MAGI3: variants seen among roughly 807,000 people sequenced by gnomAD.
The protein encoded by MAGI3 is membrane associated guanylate kinase, WW and PDZ domain containing 3.
In MAGI3, 43 loss-of-function variants were observed where a neutral mutation model predicts 121.8. The observed-to-expected ratio is 0.35, with a 90% CI of 0.28 to 0.46. MAGI3 has a LOEUF of 0.46. Among genes scored for constraint, MAGI3 ranks in the 20% least tolerant of loss-of-function variants. The pLI is 1.00. For missense variants in MAGI3, 1,547 were observed against 1,797.3 expected (o/e 0.86, Z 2.52); for synonymous variants, 553 against 639.3 (o/e 0.86, Z 2.04).
In MAGI3 at chr1:113,514,308, A is replaced by G. The variant is rs189701620; in HGVS notation, c.317-35207A>G. On this transcript the variant is annotated intron_variant, in intron 1 of 20. Transcript: ENST00000307546. ...CCAAAGGACTATAAATCATGCTGCT[A>G]TAAAGACACATGCACATGTATGTTT... Among the ~76,000 whole-genome samples the G allele has an allele frequency of 6.7e-3, 1,023 of 152,258 alleles. 24 individuals carry two copies. The East Asian group carries it at 0.082, about 12-fold the overall frequency.
intron 6 of MAGI3, among the ~76,000 whole-genome samples, chr1:113,606,021 A>G (rs1355986083): frequency 6.6e-6 from 1 of 151,978 alleles, no homozygotes; most frequent in Non-Finnish European, 1.5e-5. Context: ...GTTGGAGTGC[A>G]GTGGCGCAAT....
At chr1:113,530,924 A>C (rs1358536927) in intron 1 of MAGI3, among the ~76,000 whole-genome samples, 1 of 152,208 alleles carries the variant, frequency 6.6e-6, no homozygotes, top group African/African-American at 2.4e-5. Flanking sequence ...TCAAAAAAAG[A>C]AAAGGAAAGG....
At chr1:113,427,533 T>C (rs1017602851) in intron 1 of MAGI3, among the ~76,000 whole-genome samples, 3 of 152,304 alleles carry the variant, frequency 2.0e-5, no homozygotes, top group Middle Eastern at 3.4e-3. Context: ...CTGTACCAAA[T>C]TGGGGGTTGG....
In MAGI3 at chr1:113,653,990, C is replaced by T. The variant is rs757589461; in HGVS notation, c.2601C>T (p.Leu867=). 3.1e-6 allele frequency: 5 copies of T among 1,613,610 alleles called. No homozygotes were observed. Among genetic ancestry groups the T allele is most frequent in the Middle Eastern group, 1.6e-4 (1 of 6,080 alleles). The change falls in exon 15 of 21, where the codon CTC becomes CTT. Residue 867 remains leucine (L), a synonymous_variant. Transcript: ENST00000307546. ...KENEGFGFVI[L]TSKNKPPPGV... The stretch of plus-strand genomic sequence containing the variant: ...ATGAAGGATTTGGCTTTGTCATCCT[C>T]ACCTCCAAAAACAAACCACCTCCAG...
At chr1:113,443,643 C>A (rs1197657516) in intron 1 of MAGI3, among the ~76,000 whole-genome samples, 1 of 152,124 alleles carries the variant, frequency 6.6e-6, no homozygotes, top group Non-Finnish European at 1.5e-5. Context: ...ACAATCCCAT[C>A]CGTAGTTTTT....
intron 1 of MAGI3, among the ~76,000 whole-genome samples, chr1:113,443,517 T>G (rs1163336316): frequency 1.3e-5 from 2 of 152,192 alleles, no homozygotes; most frequent in African/African-American, 4.8e-5. Flanking sequence ...AAGCTTATTT[T>G]AAAAGTTTAT....
intron 1 of MAGI3, among the ~76,000 whole-genome samples, chr1:113,424,239 A>G (rs1034572603): frequency 1.2e-4 from 11 of 93,662 alleles, no homozygotes; most frequent in Non-Finnish European, 2.0e-4. Context: ...GCATCCTCGC[A>G]GTGACCACTC....
At chr1:113,571,912 C>T (rs12095235) in intron 2 of MAGI3, among the ~76,000 whole-genome samples, 1,752 of 152,256 alleles carry the variant, frequency 0.012, 35 homozygotes, top group African/African-American at 0.039. Context: ...TTGCCCTGGC[C>T]AGAACTTCCA....
intron 9 of MAGI3, among the ~76,000 whole-genome samples, chr1:113,632,220 T>G (rs1651679280): frequency 6.6e-6 from 1 of 152,184 alleles, no homozygotes; most frequent in African/African-American, 2.4e-5. Context: ...GTTAACAAAC[T>G]TTAGAGATTA....
At chr1:113,504,273 T>C (rs867615079) in intron 1 of MAGI3, among the ~76,000 whole-genome samples, 2 of 152,076 alleles carry the variant, frequency 1.3e-5, no homozygotes, top group African/African-American at 4.8e-5. Flanking sequence ...ATAAAATTAA[T>C]AGTCCAAATA....
intron 1 of MAGI3, among the ~76,000 whole-genome samples, chr1:113,465,486 G>T (rs1271740428): frequency 6.6e-6 from 1 of 151,660 alleles, no homozygotes; most frequent in African/African-American, 2.4e-5. Context: ...GGCTATTTGG[G>T]GTCTTTTGTG....
chr1:113,416,053 GAC>G (rs1233735570), intron 1 of MAGI3, among the ~76,000 whole-genome samples: 2 of 126,558 alleles, frequency 1.6e-5, no homozygotes, highest in Non-Finnish European at 3.3e-5. Flanking sequence ...TGTAATTAAT[GAC>G]ACATATTAAT....
intron 15 of MAGI3, among the ~76,000 whole-genome samples, chr1:113,657,669 T>C (rs1033148576): frequency 6.6e-6 from 1 of 152,250 alleles, no homozygotes; most frequent in Admixed American, 6.5e-5. Context: ...GGCCACCGTA[T>C]GACCTGCCGT....
Position 113,449,683 on chromosome 1 carries a change from G to A in MAGI3, c.316+58334G>A, listed in dbSNP as rs1334867628. The A allele has an allele frequency of 3.8e-6, 3 of 786,558 alleles. No individual in the cohort carries two copies. The African/African-American group carries it at 5.1e-5, about 13-fold the overall frequency. The allele number at this position is 786,558 out of a possible 1,614,324, so 48.7% of individuals were successfully genotyped here. ...CGATATTGAACTCGAGTTGGAAGAGGCGAGTCTGGTCTCAAAATGGAGGGC... is the reference window on the plus strand; with the variant it reads ...CGATATTGAACTCGAGTTGGAAGAGACGAGTCTGGTCTCAAAATGGAGGGC... On this transcript the variant is annotated intron_variant, in intron 1 of 20. Transcript: ENST00000307546.
intron 2 of MAGI3, among the ~76,000 whole-genome samples, chr1:113,561,861 A>T (rs1159494453): frequency 6.6e-6 from 1 of 152,174 alleles, no homozygotes; most frequent in African/African-American, 2.4e-5. Flanking sequence ...ATATCTAGAA[A>T]ATTCCACCGT....
At chr1:113,604,649 A>G (rs1477675822) in intron 6 of MAGI3, among the ~76,000 whole-genome samples, 2 of 151,454 alleles carry the variant, frequency 1.3e-5, no homozygotes, top group African/African-American at 4.8e-5. Context: ...CCAGCCATGA[A>G]AAAGAATGAA....
intron 5 of MAGI3, among the ~76,000 whole-genome samples, chr1:113,593,067 A>G (rs952257563): frequency 6.6e-6 from 1 of 152,156 alleles, no homozygotes; most frequent in Non-Finnish European, 1.5e-5. Context: ...AGCTAGTATT[A>G]TACCTGGCAG....
chr1:113,464,795 T>A (rs1655196004), intron 1 of MAGI3, among the ~76,000 whole-genome samples: 1 of 152,216 alleles, frequency 6.6e-6, no homozygotes, highest in Admixed American at 6.5e-5. Flanking sequence ...TTGTATGTTT[T>A]ATTTTCGGGA....
intron 6 of MAGI3, among the ~76,000 whole-genome samples, chr1:113,612,101 A>T (rs1650189355): frequency 6.6e-6 from 1 of 151,912 alleles, no homozygotes; most frequent in African/African-American, 2.4e-5. Flanking sequence ...GCACCACCAC[A>T]CCCAGATAAT....
Sources: gnomAD v4.1 joint callset for allele counts (sites outside exome capture counted in the v4.1 genomes callset) on GRCh38, gnomAD v4.1.1 for gene constraint, MANE v1.5 for transcripts, NCBI Gene and HGNC (gene_info 2026-07-23, HGNC 2026-07-21) for gene names.